The following HTR2C variants were observed in gnomAD, a reference collection of about 807,000 sequenced individuals.
HTR2C encodes 5-hydroxytryptamine receptor 2C.
HTR2C carries 5 observed loss-of-function variants against 21.0 expected under a neutral mutation model. That is an observed-to-expected ratio of 0.24 (90% CI 0.12 to 0.50). The LOEUF (loss-of-function observed/expected upper bound fraction) is 0.50, where lower values mean the gene tolerates loss of function less well. HTR2C is among the 20% of genes least tolerant of loss of function. HTR2C has a pLI of 0.98. For synonymous variants in HTR2C, 150 were observed against 145.3 expected, an observed-to-expected ratio of 1.03 and a Z score of -0.23; for missense variants, 271 against 371.2, an observed-to-expected ratio of 0.73 and a Z score of 2.22.
At chrX:114,665,437 C>G (rs782097229) in intron 2 of HTR2C, among the ~76,000 whole-genome samples, 1 of 111,732 alleles carries the variant, frequency 8.9e-6, no homozygotes, top group East Asian at 2.8e-4. Flanking sequence ...CCTTGAACAA[C>G]GTGGGTGTTC....
At chrX:114,693,674 T>C (rs1176425522) in intron 2 of HTR2C, among the ~76,000 whole-genome samples, 1 of 111,347 alleles carries the variant, frequency 9.0e-6, no homozygotes, top group Non-Finnish European at 1.9e-5. Flanking sequence ...ACTCCAGACA[T>C]CTTCAAATAT....
At chrX:114,757,469 A>G (rs1465476171) in intron 4 of HTR2C, among the ~76,000 whole-genome samples, 2 of 111,854 alleles carry the variant, frequency 1.8e-5, no homozygotes, top group Non-Finnish European at 3.8e-5. Context: ...CAAAAACAGG[A>G]GAACTCCAAA....
At chrX:114,835,114 C>T (rs1350314199) in intron 4 of HTR2C, among the ~76,000 whole-genome samples, 1 of 100,081 alleles carries the variant, frequency 1.0e-5, no homozygotes, top group Non-Finnish European at 2.0e-5. Context: ...GATAACCCGA[C>T]CTTTCTCTCT....
chrX:114,805,545 GTA>G lies in HTR2C; in HGVS notation c.350-42449_350-42448del, dbSNP rs112063548. ...GCACCATATATATATGGTATATGGT[GTA>G]TATATATACACACCATATAGATACA... is the stretch of plus-strand genomic sequence containing the variant. On this transcript the variant is annotated intron_variant, in intron 4 of 5. Transcript: ENST00000276198. Among the ~76,000 whole-genome samples, 66 of 19,828 alleles carry G rather than the reference GTA, an allele frequency of 3.3e-3. 3 individuals are homozygous for G. The highest frequency in any genetic ancestry group is 7.6e-3 in the Non-Finnish European group (60 of 7,887). 17.2% of individuals were successfully genotyped at this position (19,828 alleles called of 115,157 possible).
intron 5 of HTR2C, among the ~76,000 whole-genome samples, chrX:114,857,264 A>C (rs2070970416): frequency 9.0e-6 from 1 of 111,443 alleles, no homozygotes; most frequent in African/African-American, 3.3e-5. Context: ...GAAATAATTA[A>C]AATCTATCTA....
In HTR2C at chrX:114,591,287, G is replaced by T. The variant is rs1234732504; in HGVS notation, c.-147+6628G>T. On this transcript the variant is annotated intron_variant, in intron 1 of 5. Coordinates refer to ENST00000276198, the MANE Select transcript of HTR2C (RefSeq NM_000868.4). ...AAGGAAGTAAAACAAGGAAGATCTGGTGTCTCTCCAACAAATATTTTTTGA... is the reference window on the plus strand; with the variant it reads ...AAGGAAGTAAAACAAGGAAGATCTGTTGTCTCTCCAACAAATATTTTTTGA... Among the ~76,000 whole-genome samples the T allele has an allele frequency of 5.4e-5, 6 of 111,529 alleles. No individual in the cohort carries two copies. In the Admixed American group the frequency reaches 5.7e-4, roughly 11 times the overall value.
chrX:114,821,564 C>T (rs964295656), intron 4 of HTR2C, among the ~76,000 whole-genome samples: 1 of 110,960 alleles, frequency 9.0e-6, no homozygotes, highest in Non-Finnish European at 1.9e-5. Context: ...TGAGTCACAG[C>T]GAAAGTTAGA....
rs1345769773 is a variant in HTR2C, at chrX:114,909,296, G to A, written c.*1881G>A. The A allele has an allele frequency of 2.7e-5, 3 of 112,616 alleles. No homozygotes were observed. The highest frequency in any genetic ancestry group is 5.6e-4 in the East Asian group (2 of 3,567). 9.3% of individuals were successfully genotyped at this position (112,616 alleles called of 1,213,427 possible). A position where few individuals can be genotyped will look rare whatever the true frequency, so the allele number is the denominator to read the frequency against. On this transcript the variant is annotated 3_prime_UTR_variant, in exon 6 of 6. Transcript: ENST00000276198. The stretch of plus-strand genomic sequence containing the variant: ...TTTAATTCTTACCGAAATGAAAATG[G>A]CTGAAGAAACACAGCATGCATTTAG...
intron 2 of HTR2C, chrX:114,651,721 A>G (rs1930584514): frequency 8.1e-6 from 1 of 123,932 alleles, no homozygotes; most frequent in South Asian, 3.7e-4. Context: ...TTTACTAACT[A>G]TGCTTCCAAA....
intron 2 of HTR2C, chrX:114,715,471 T>A (rs1932976243): frequency 4.3e-6 from 1 of 234,175 alleles, no homozygotes; most frequent in African/African-American, 3.0e-5. Flanking sequence ...TAAGTGGGAA[T>A]GTATTTTAGT....
At chrX:114,747,815 G>T (rs992207362) in intron 4 of HTR2C, among the ~76,000 whole-genome samples, 1 of 112,191 alleles carries the variant, frequency 8.9e-6, no homozygotes, top group Admixed American at 9.4e-5. Context: ...CAATCCAAAA[G>T]CCAGCAAATT....
intron 2 of HTR2C, among the ~76,000 whole-genome samples, chrX:114,668,014 A>G (rs1556411130): frequency 8.9e-6 from 1 of 111,896 alleles, no homozygotes; most frequent in Non-Finnish European, 1.9e-5. Context: ...GTATCTGCCC[A>G]TGTCTTGGAA....
intron 4 of HTR2C, among the ~76,000 whole-genome samples, chrX:114,809,185 C>A (rs2070507271): frequency 9.0e-6 from 1 of 110,735 alleles, no homozygotes; most frequent in South Asian, 3.9e-4. Context: ...TAGTCTATTG[C>A]AGCTGAGCTG....
At chrX:114,597,442 A>C (rs1377875154) in intron 1 of HTR2C, among the ~76,000 whole-genome samples, 1 of 111,380 alleles carries the variant, frequency 9.0e-6, no homozygotes, top group Non-Finnish European at 1.9e-5. Context: ...GACATTATAT[A>C]GTGAAGGACT....
chrX:114,631,950 G>A (rs1466279227), intron 2 of HTR2C, among the ~76,000 whole-genome samples: 1 of 111,745 alleles, frequency 8.9e-6, no homozygotes, highest in Non-Finnish European at 1.9e-5. Context: ...CCCTTTGAAA[G>A]GTCTATCTTC....
At chrX:114,601,931 A>T (rs1277276841) in intron 1 of HTR2C, among the ~76,000 whole-genome samples, 11 of 96,115 alleles carry the variant, frequency 1.1e-4, no homozygotes, top group African/African-American at 4.0e-4. Context: ...TATTGTGGGG[A>T]TGTTAGAAGA....
At chrX:114,770,365 C>G (rs2069987982) in intron 4 of HTR2C, among the ~76,000 whole-genome samples, 1 of 111,231 alleles carries the variant, frequency 9.0e-6, no homozygotes, top group African/African-American at 3.3e-5. Context: ...TCTCACAGGC[C>G]TTTGAGGCTC....
intron 4 of HTR2C, among the ~76,000 whole-genome samples, chrX:114,744,269 C>T (rs1325333566): frequency 2.8e-5 from 3 of 108,786 alleles, no homozygotes; most frequent in African/African-American, 1.0e-4. Context: ...GCATTAATTA[C>T]TTATTTTAGA....
At chrX:114,764,022 G>A (rs782653511) in intron 4 of HTR2C, among the ~76,000 whole-genome samples, 3 of 111,692 alleles carry the variant, frequency 2.7e-5, no homozygotes, top group Non-Finnish European at 5.6e-5. Context: ...ATACAGTCCA[G>A]AGGTCCTGAT....
Sources: allele counts gnomAD v4.1 joint callset (sites outside exome capture counted in the v4.1 genomes callset), GRCh38; gene constraint gnomAD v4.1.1; transcripts MANE v1.5; gene names NCBI Gene and HGNC (gene_info 2026-07-23, HGNC 2026-07-21).